Variants in STX3 observed in about 807,000 individuals in gnomAD.
The protein encoded by STX3 is syntaxin-3.
A neutral mutation model predicts 40.2 loss-of-function variants in STX3; 19 were observed. The observed-to-expected ratio is 0.47, with a 90% confidence interval of 0.33 to 0.69. STX3 has a LOEUF of 0.69. Ranked by LOEUF, STX3 falls within the 30% of genes least tolerant of loss-of-function variation. The pLI is 0.02. For synonymous variants in STX3, 122 were observed against 132.2 expected (o/e 0.92, Z 0.53); for missense variants, 364 against 366.7 (o/e 0.99, Z 0.06).
chr11:59,795,435 C>G lies in STX3; in HGVS notation c.739C>G (p.Arg247Gly), dbSNP rs575668968. The G allele has an allele frequency of 2.1e-4, 332 of 1,613,478 alleles. 4 individuals are homozygous for G. In the South Asian group the frequency reaches 3.5e-3, roughly 17 times the overall value. Residue 247 changes from arginine to glycine, a missense_variant, in exon 9 of 11, where the codon CGA (arginine) becomes GGA (glycine). Arg to Gly is a moderately radical substitution (Grantham distance 125, BLOSUM62 -2). Coordinates refer to ENST00000337979, the MANE Select transcript of STX3 (RefSeq NM_004177.5). ...CACAGTGGACCACGTGGAGAAGGCA[C>G]GAGATGAAACGAAAAAAGCTGTGAA... ...MHTVDHVEKA[R>G]DETKKAVKYQ...
At chr11:59,779,084 C>T (rs1054559585) in intron 2 of STX3, among the ~76,000 whole-genome samples, 4 of 152,122 alleles carry the variant, frequency 2.6e-5, no homozygotes, top group East Asian at 3.9e-4. Context: ...GTGATCTGCC[C>T]GCCTTGGCCT....
chr11:59,780,798 T>C (rs1403266195), intron 2 of STX3, among the ~76,000 whole-genome samples: 1 of 152,188 alleles, frequency 6.6e-6, no homozygotes, highest in Admixed American at 6.6e-5. Flanking sequence ...GCATAAACAA[T>C]CCCTTTATTA....
intron 1 of STX3, among the ~76,000 whole-genome samples, chr11:59,759,581 G>A (rs1862923249): frequency 6.6e-6 from 1 of 152,224 alleles, no homozygotes; most frequent in Non-Finnish European, 1.5e-5. Flanking sequence ...GAGGTTGAAG[G>A]CTTTGGACTC....
chr11:59,778,067 A>G (rs76731035), intron 2 of STX3, among the ~76,000 whole-genome samples: 2,174 of 152,248 alleles, frequency 0.014, 29 homozygotes, highest in Non-Finnish European at 0.022. Context: ...ACTTAGGGCT[A>G]TTGAACTTGT....
At chr11:59,774,843 C>T (rs771639402) in intron 2 of STX3, among the ~76,000 whole-genome samples, 1 of 149,132 alleles carries the variant, frequency 6.7e-6, no homozygotes, top group Non-Finnish European at 1.5e-5. Context: ...AAACAAACAA[C>T]AACAACAAAA....
Position 59,765,676 on chromosome 11 carries a change from C to T in STX3, c.31-7535C>T, listed in dbSNP as rs185474376. Among the ~76,000 whole-genome samples the T allele has an allele frequency of 8.2e-4, 124 of 152,144 alleles. No individual in the cohort carries two copies. The East Asian group carries it at 0.022, about 27-fold the overall frequency. On this transcript the variant is annotated intron_variant, in intron 1 of 10. Coordinates refer to ENST00000337979, the MANE Select transcript of STX3 (RefSeq NM_004177.5). ...AAAATTAGCTGGGTGTGGTGGTGTG[C>T]GCCTGTAATCCCAGCTATTTGGAAG...
intron 2 of STX3, chr11:59,781,804 GAGC>G (rs61068689): frequency 0.065 from 86,827 of 1,344,224 alleles, 3,868 homozygotes; most frequent in African/African-American, 0.2. Context: ...GGACTTGACT[GAGC>G]AGCTCTAATA....
intron 2 of STX3, among the ~76,000 whole-genome samples, chr11:59,775,677 A>G (rs892112069): frequency 1.3e-5 from 2 of 152,216 alleles, no homozygotes; most frequent in Non-Finnish European, 2.9e-5. Context: ...TTACCTTTCA[A>G]GGATGCCATG....
At chr11:59,767,259 C>T (rs1317670758) in intron 1 of STX3, among the ~76,000 whole-genome samples, 1 of 152,102 alleles carries the variant, frequency 6.6e-6, no homozygotes, top group African/African-American at 2.4e-5. Context: ...TGATATCTCT[C>T]ATCTCCTTGG....
At chr11:59,764,883 C>CTATTATTAT (rs71454394) in intron 1 of STX3, among the ~76,000 whole-genome samples, 5,507 of 145,126 alleles carry the variant, frequency 0.038, 126 homozygotes, top group Middle Eastern at 0.054. Context: ...CACACATTAT[C>CTATTATTAT]TATTATTATT....
chr11:59,776,403 A>G (rs184666676), intron 2 of STX3, among the ~76,000 whole-genome samples: 2 of 152,312 alleles, frequency 1.3e-5, no homozygotes, highest in Non-Finnish European at 2.9e-5. Flanking sequence ...CCCCCAGTGT[A>G]CTTATGAATA....
intron 1 of STX3, among the ~76,000 whole-genome samples, chr11:59,771,400 A>ACCCCCCC (rs1565168425): frequency 4.7e-5 from 2 of 42,256 alleles, no homozygotes; most frequent in Admixed American, 2.2e-4. Context: ...CCGTCCCCCC[A>ACCCCCCC]CCTCCCCCCC....
chr11:59,778,347 A>C (rs796448777), intron 2 of STX3, among the ~76,000 whole-genome samples: 2 of 152,182 alleles, frequency 1.3e-5, no homozygotes, highest in South Asian at 4.1e-4. Context: ...CAGATCCTCC[A>C]ATCTGACTTC....
At chr11:59,762,825 G>C (rs368288549) in intron 1 of STX3, among the ~76,000 whole-genome samples, 82 of 152,294 alleles carry the variant, frequency 5.4e-4, no homozygotes, top group African/African-American at 2.0e-3. Flanking sequence ...TGGCTCCTGG[G>C]ATGAGAAAGA....
In STX3 at chr11:59,773,260, A is replaced by G; in HGVS notation, c.80A>G (p.Asp27Gly). Residue 27 changes from aspartate to glycine, a missense_variant, in exon 2 of 11, where the codon GAC becomes GGC. By Grantham distance (94) the Asp-to-Gly change is moderately conservative. Transcript: ENST00000337979. ...ACTGATGCGGTTGAGATTGCTATCG[A>G]CAACACGGCTTTTATGGACGAGTTC... ...DDTDAVEIAI[D>G]NTAFMDEFFS... 6.2e-7 allele frequency: 1 copy of G among 1,614,208 alleles called. No homozygotes were observed. Among genetic ancestry groups the G allele is most frequent in the Non-Finnish European group, 8.5e-7 (1 of 1,180,018 alleles).
intron 1 of STX3, among the ~76,000 whole-genome samples, chr11:59,758,682 G>A (rs1298183773): frequency 6.6e-6 from 1 of 152,154 alleles, no homozygotes; most frequent in Non-Finnish European, 1.5e-5. Flanking sequence ...AGTGACACAG[G>A]ACAGGCTTGC....
In STX3 at chr11:59,781,632, A is replaced by C. The variant is rs957365804; in HGVS notation, c.115-5405A>C. Reference sequence around the variant, plus strand: ...CATTGCGCCCATTTTTCGCAAAGCTATTCCCACTCCTAGCTCCTTCATGTA... The same window carrying C: ...CATTGCGCCCATTTTTCGCAAAGCTCTTCCCACTCCTAGCTCCTTCATGTA... On this transcript the variant is annotated intron_variant, in intron 2 of 10. Transcript: ENST00000337979. 1.9e-6 allele frequency: 3 copies of C among 1,613,332 alleles called. No individual in the cohort carries two copies. The African/African-American group carries it at 4.0e-5, about 22-fold the overall frequency.
At chr11:59,766,965 A>G (rs912987050) in intron 1 of STX3, among the ~76,000 whole-genome samples, 1 of 152,348 alleles carries the variant, frequency 6.6e-6, no homozygotes, top group African/African-American at 2.4e-5. Flanking sequence ...TGGGGTTGCA[A>G]ATATTTTTAT....
At chr11:59,778,478 C>G (rs1433637820) in intron 2 of STX3, among the ~76,000 whole-genome samples, 1 of 152,150 alleles carries the variant, frequency 6.6e-6, no homozygotes, top group Non-Finnish European at 1.5e-5. Context: ...TCAAACACAT[C>G]ATGATTCATC....
Sources: gnomAD v4.1 joint callset for allele counts (sites outside exome capture counted in the v4.1 genomes callset) on GRCh38, gnomAD v4.1.1 for gene constraint, MANE v1.5 for transcripts, NCBI Gene and HGNC (gene_info 2026-07-23, HGNC 2026-07-21) for gene names.